DOT1L: variants seen among roughly 807,000 people sequenced by gnomAD.
DOT1L encodes histone-lysine N-methyltransferase, H3 lysine-79 specific.
Under a neutral mutation model 153.3 loss-of-function variants are expected in DOT1L, and 33 were observed. That is an observed-to-expected ratio of 0.22 (90% CI 0.16 to 0.29). The LOEUF (loss-of-function observed/expected upper bound fraction) is 0.29. DOT1L is among the 10% of genes least tolerant of loss of function. The probability of loss-of-function intolerance (pLI) is 1.00; values close to 1 mark genes in which losing one functional copy is unlikely to be tolerated. For synonymous variants in DOT1L, 1,135 were observed against 965.1 expected (o/e 1.18, Z -3.26); for missense variants, 1,847 against 2,119.9 (o/e 0.87, Z 2.53).
At position 2,216,753 on chromosome 19, in the gene DOT1L, A is replaced by G. The variant is rs2023919211; in HGVS notation, c.2396A>G (p.Glu799Gly). ...HTVPGRPAAS[E>G]LHSRAEHTKE... ...GTGCCCGGCAGGCCGGCTGCCAGTG[A>G]GCTGCATTCGAGGTGAGTGCCCTGG... Residue 799 changes from glutamate to glycine, a missense_variant, in exon 20 of 28, where the codon GAG (glutamate) becomes GGG (glycine). Transcript: ENST00000398665. 1 of 1,592,418 alleles carries G rather than the reference A, an allele frequency of 6.3e-7. No individual in the cohort carries two copies. The highest frequency in any genetic ancestry group is 8.5e-7 in the Non-Finnish European group (1 of 1,174,066).
In DOT1L at chr19:2,222,073, C is replaced by G; in HGVS notation, c.2904C>G (p.Ser968=). Residue 968 remains serine, a synonymous_variant, in exon 24 of 28, where the codon TCC becomes TCG. Transcript: ENST00000398665. The surrounding 1 kb of genome is among the most constrained non-coding windows in gnomAD (Gnocchi z 6.5). Reference sequence around the variant, plus strand: ...CCGAGCCGGCCACCTTGGATGAGTCCTCCAGCTCTGGGAGCCTTTTTGCCA... The same window carrying G: ...CCGAGCCGGCCACCTTGGATGAGTCGTCCAGCTCTGGGAGCCTTTTTGCCA... ...PGAEPATLDE[S]SSSGSLFATV... 6.2e-7 allele frequency: 1 copy of G among 1,613,438 alleles called. No homozygotes were observed. The highest frequency in any genetic ancestry group is 8.5e-7 in the Non-Finnish European group (1 of 1,179,916).
intron 1 of DOT1L, among the ~76,000 whole-genome samples, chr19:2,174,469 C>T (rs191005616): frequency 6.6e-6 from 1 of 152,212 alleles, no homozygotes; most frequent in Non-Finnish European, 1.5e-5. Flanking sequence ...GGCAGATCAC[C>T]TGAGGTTGGG....
At position 2,222,132 on chromosome 19, in the gene DOT1L, C is replaced by T; in HGVS notation, c.2963C>T (p.Pro988Leu). Reference protein sequence around the residue: ...VGSRSSTPQHPLLLAQPRNSL... With the variant: ...VGSRSSTPQHLLLLAQPRNSL... ...TCCCGCAGCTCCACGCCACAGCACCCCCTGCTGCTGGCACAGCCCCGGAAC... is the reference window on the plus strand; with the variant it reads ...TCCCGCAGCTCCACGCCACAGCACCTCCTGCTGCTGGCACAGCCCCGGAAC... The change falls in exon 24 of 28, where the codon CCC becomes CTC. Residue 988 changes from proline (P) to leucine (L), a missense_variant. By Grantham distance (98) the Pro-to-Leu change is moderately conservative. Coordinates refer to ENST00000398665, the MANE Select transcript of DOT1L (RefSeq NM_032482.3). This position sits in a 1 kb window ranked among gnomAD's most constrained non-coding sequence, Gnocchi z 6.5. The T allele has an allele frequency of 6.8e-6, 11 of 1,613,236 alleles. No homozygotes were observed. Among genetic ancestry groups the T allele is most frequent in the Non-Finnish European group, 9.3e-6 (11 of 1,179,900 alleles).
intron 9 of DOT1L, among the ~76,000 whole-genome samples, chr19:2,205,310 A>G (rs2144804872): frequency 6.6e-6 from 1 of 152,228 alleles, no homozygotes; most frequent in East Asian, 1.9e-4. Context: ...ATATGTGTAA[A>G]AACAGAAGGC....
intron 27 of DOT1L, chr19:2,228,051 C>T (rs2024437343): frequency 2.3e-6 from 3 of 1,307,496 alleles, no homozygotes; most frequent in Non-Finnish European, 1.0e-6. Flanking sequence ...TAACCCTGAG[C>T]CCGCGCTTCT....
At chr19:2,214,804 CGGG>C (rs1490853131) in intron 19 of DOT1L, 3 of 640,072 alleles carry the variant, frequency 4.7e-6, no homozygotes, top group Admixed American at 3.5e-5. Flanking sequence ...CCTCAGCTCT[CGGG>C]GGCATCTCGG....
chr19:2,210,233 C>G (rs1248621119), intron 12 of DOT1L, among the ~76,000 whole-genome samples, 167 bp from the exon 13 acceptor site: 1 of 152,252 alleles, frequency 6.6e-6, no homozygotes, highest in Non-Finnish European at 1.5e-5. Flanking sequence ...CCCAAGCAGC[C>G]CACTGCTGTC....
chr19:2,183,718 C>T (rs1469736168), intron 2 of DOT1L, among the ~76,000 whole-genome samples: 6 of 151,866 alleles, frequency 4.0e-5, no homozygotes, highest in East Asian at 1.9e-4. Context: ...CCTCCGTCTC[C>T]GGGGTTCAAG....
intron 25 of DOT1L, 62 bp downstream of exon 25, chr19:2,223,548 CTG>C (rs895630801): frequency 1.3e-3 from 453 of 360,700 alleles, no homozygotes; most frequent in Middle Eastern, 3.2e-3. Flanking sequence ...TGCCTGCTCA[CTG>C]TGTGTGTGTG....
Position 2,226,758 on chromosome 19 carries a change from GC to G in DOT1L, c.4240del (p.Arg1414GlyfsTer104), listed in dbSNP as rs755347341. On this transcript the variant is annotated frameshift_variant, in exon 27 of 28. Coordinates refer to ENST00000398665, the MANE Select transcript of DOT1L (RefSeq NM_032482.3). LOFTEE classifies it high-confidence loss of function. ...ACTGCTGAGCGGCAAGGCCGCCAAG[GC>G]CCGGGACCGCGAGGTCGACCTCAAG... The part of the protein sequence containing the change: ...TPLLSGKAAK[A>X]RDREVDLKNG... 1.3e-6 allele frequency: 2 copies of G among 1,563,680 alleles called. No homozygotes were observed. The highest frequency in any genetic ancestry group is 8.6e-7 in the Non-Finnish European group (1 of 1,161,132).
At position 2,211,863 on chromosome 19, in the gene DOT1L, C is replaced by T; in HGVS notation, c.1557+21C>T. The T allele has an allele frequency of 2.6e-6, 4 of 1,548,256 alleles. No homozygotes were observed. In the Middle Eastern group the frequency reaches 6.7e-4, roughly 260 times the overall value. ...AGAAGGTGGGTCCTGGCCCCCTTGG[C>T]ATTCCGCCTTCCCGCACAGAGGCAG... On this transcript the variant is annotated intron_variant, in intron 16 of 27. Transcript: ENST00000398665.
At chr19:2,184,247 T>G (rs1253726235) in intron 2 of DOT1L, among the ~76,000 whole-genome samples, 1 of 152,142 alleles carries the variant, frequency 6.6e-6, no homozygotes, top group Non-Finnish European at 1.5e-5. Context: ...TTTGATGATC[T>G]GCATTGTGAG....
rs1052237345 is a variant in DOT1L at position 2,232,536 on chromosome 19, C to T, written c.*2744C>T. Reference sequence around the variant, plus strand: ...TCTGGGCACCCCTGCATTCTGCATCCCCACCTCTAGACGCTGTAATAAACA... The same window carrying T: ...TCTGGGCACCCCTGCATTCTGCATCTCCACCTCTAGACGCTGTAATAAACA... On this transcript the variant is annotated 3_prime_UTR_variant, in exon 28 of 28. Transcript: ENST00000398665. The T allele has an allele frequency of 9.2e-6, 2 of 216,362 alleles. No individual in the cohort carries two copies. 13.4% of individuals were successfully genotyped at this position (216,362 alleles called of 1,614,324 possible). A position where few individuals can be genotyped will look rare whatever the true frequency, so the allele number is the denominator to read the frequency against.
chr19:2,196,377 G>T (rs2023021572), intron 7 of DOT1L, among the ~76,000 whole-genome samples: 1 of 152,198 alleles, frequency 6.6e-6, no homozygotes, highest in Non-Finnish European at 1.5e-5. Flanking sequence ...CTGTCGCCCA[G>T]GCTGGAGGGC....
intron 22 of DOT1L, among the ~76,000 whole-genome samples, chr19:2,218,598 T>C (rs1204258457): frequency 3.3e-5 from 5 of 152,008 alleles, no homozygotes; most frequent in African/African-American, 1.2e-4. Context: ...TTTCACCGTG[T>C]TAGCCAGGAT....
At position 2,217,634 on chromosome 19, in the gene DOT1L, G is replaced by C. The variant is rs897644829; in HGVS notation, c.2545-138G>C. On this transcript the variant is annotated intron_variant, in intron 21 of 27. Coordinates refer to ENST00000398665, the MANE Select transcript of DOT1L (RefSeq NM_032482.3). This position sits in a 1 kb window ranked among gnomAD's most constrained non-coding sequence, Gnocchi z 7.3. Reference sequence around the variant, plus strand: ...CCGGTGTCCAGGAGGGCCTGACTGCGTGGGGAAGGTTGCAGGGCCTTGGCA... The same window carrying C: ...CCGGTGTCCAGGAGGGCCTGACTGCCTGGGGAAGGTTGCAGGGCCTTGGCA... 7.9e-7 allele frequency: 1 copy of C among 1,271,336 alleles called. No homozygotes were observed. The highest frequency in any genetic ancestry group is 1.5e-5 in the South Asian group (1 of 68,930). 78.8% of individuals were successfully genotyped at this position (1,271,336 alleles called of 1,614,324 possible).
Position 2,227,067 on chromosome 19 carries a change from AGACT to A in DOT1L, c.4550_4553del (p.Leu1517ProfsTer87), listed in dbSNP as rs1227282306. 1.9e-6 allele frequency: 3 copies of A among 1,570,950 alleles called. No homozygotes were observed. The highest frequency in any genetic ancestry group is 2.6e-6 in the Non-Finnish European group (3 of 1,163,766). Reference sequence around the variant, plus strand: ...GGTGCACGTGTCGTCCGCTGCCACCAGACTGACCAACTCGCACGCCATGGGCAGC... The same window carrying A: ...GGTGCACGTGTCGTCCGCTGCCACCAGACCAACTCGCACGCCATGGGCAGC... On this transcript the variant is annotated frameshift_variant, in exon 27 of 28. Coordinates refer to ENST00000398665, the MANE Select transcript of DOT1L (RefSeq NM_032482.3). LOFTEE classifies it high-confidence loss of function.
chr19:2,223,179 G>A, intron 24 of DOT1L, 102 bp from the exon 25 acceptor site: 2 of 1,306,850 alleles, frequency 1.5e-6, no homozygotes, highest in African/African-American at 1.5e-5. Flanking sequence ...TTCCTCAGGA[G>A]ACCCTGGGGT....
At position 2,228,019 on chromosome 19, in the gene DOT1L, C is replaced by T. The variant is rs1049588610; in HGVS notation, c.4606+892C>T. The T allele has an allele frequency of 5.4e-6, 7 of 1,298,514 alleles. No individual in the cohort carries two copies. The Admixed American group carries it at 9.2e-5, about 17-fold the overall frequency. 80.4% of individuals were successfully genotyped at this position (1,298,514 alleles called of 1,614,324 possible). A position where few individuals can be genotyped will look rare whatever the true frequency, so the allele number is the denominator to read the frequency against. On this transcript the variant is annotated intron_variant, in intron 27 of 27. Transcript: ENST00000398665. ...CCTCCACCTAACGCCGCCTTGCCTC[C>T]TCCCCCAACGCTGCTGGCCTCTAAC...
Sources: gnomAD v4.1 joint callset for allele counts (sites outside exome capture counted in the v4.1 genomes callset) on GRCh38, gnomAD v4.1.1 for gene constraint, Gnocchi (gnomAD v3.1) non-coding constraint, MANE v1.5 for transcripts, NCBI Gene and HGNC (gene_info 2026-07-23, HGNC 2026-07-21) for gene names.